The following RBFOX1 variants were observed in gnomAD, a reference collection of about 807,000 sequenced individuals.
RBFOX1 encodes RNA binding fox-1 homolog 1, also known as RNA binding protein fox-1 homolog 1.
A neutral mutation model predicts 57.7 loss-of-function variants in RBFOX1; 8 were observed. The observed-to-expected ratio is 0.14, with a 90% CI of 0.08 to 0.25. RBFOX1 has a LOEUF of 0.25. RBFOX1 is among the 10% of genes least tolerant of loss of function. The probability of loss-of-function intolerance (pLI) is 1.00; values close to 1 mark genes in which losing one functional copy is unlikely to be tolerated. For synonymous variants in RBFOX1, 326 were observed against 222.4 expected (o/e 1.47, Z -4.15); for missense variants, 611 against 548.5 (o/e 1.11, Z -1.14).
intron 4 of RBFOX1, among the ~76,000 whole-genome samples, chr16:7,239,952 G>T (rs1000556174): frequency 6.6e-6 from 1 of 152,064 alleles, no homozygotes; most frequent in African/African-American, 2.4e-5. Flanking sequence ...CTTCCTACCT[G>T]TTGAAACTAT....
At chr16:5,585,432 C>T (rs1365675184) in intron 2 of RBFOX1, among the ~76,000 whole-genome samples, 1 of 152,126 alleles carries the variant, frequency 6.6e-6, no homozygotes, top group East Asian at 1.9e-4. Flanking sequence ...GGGGTGTTTC[C>T]TGCTTTGGGC....
intron 4 of RBFOX1, among the ~76,000 whole-genome samples, chr16:7,304,784 C>G (rs1454364646): frequency 6.6e-6 from 1 of 152,112 alleles, no homozygotes; most frequent in Non-Finnish European, 1.5e-5. Flanking sequence ...CAGTGCCTTT[C>G]GTGGTGATCT....
At chr16:5,379,168 G>A (rs1476896662) in intron 1 of RBFOX1, among the ~76,000 whole-genome samples, 1 of 151,586 alleles carries the variant, frequency 6.6e-6, no homozygotes, top group African/African-American at 2.4e-5. Flanking sequence ...GGTCATGCGG[G>A]TGCTTCATCT....
At chr16:7,384,210 A>G (rs958787047) in intron 4 of RBFOX1, among the ~76,000 whole-genome samples, 18 of 151,616 alleles carry the variant, frequency 1.2e-4, no homozygotes, top group South Asian at 4.2e-4. Context: ...TATATGAAAC[A>G]TATATGAAAT....
intron 5 of RBFOX1, among the ~76,000 whole-genome samples, chr16:7,570,205 A>G (rs1207480024): frequency 6.6e-6 from 1 of 151,608 alleles, no homozygotes; most frequent in Non-Finnish European, 1.5e-5. Context: ...GAATTCTAAA[A>G]TGACGTATAT....
intron 12 of RBFOX1, 45 bp from the exon 13 acceptor site, chr16:7,664,884 A>T: frequency 6.2e-7 from 1 of 1,613,796 alleles, no homozygotes; most frequent in Non-Finnish European, 8.5e-7. Context: ...CTGCATGGGA[A>T]ATGCACTAAT....
intron 1 of RBFOX1, among the ~76,000 whole-genome samples, chr16:6,032,336 G>T (rs1437221268): frequency 1.3e-5 from 2 of 151,584 alleles, no homozygotes; most frequent in African/African-American, 2.4e-5. Flanking sequence ...AGGGAAAGCA[G>T]CTCAGAGAAT....
chr16:5,657,861 A>G (rs970072884), intron 3 of RBFOX1, among the ~76,000 whole-genome samples: 1 of 150,390 alleles, frequency 6.6e-6, no homozygotes, highest in African/African-American at 2.4e-5. Context: ...ACCCCCAGGT[A>G]GCTGGGATTA....
At chr16:7,710,361 G>A in intron 15 of RBFOX1, 1 of 1,309,242 alleles carries the variant, frequency 7.6e-7, no homozygotes, top group Non-Finnish European at 9.7e-7. Context: ...TCCTTCCATT[G>A]TCCAGCTTAT....
chr16:6,744,575 C>G (rs1431006852), intron 3 of RBFOX1, among the ~76,000 whole-genome samples: 1 of 151,776 alleles, frequency 6.6e-6, no homozygotes, highest in Non-Finnish European at 1.5e-5. Flanking sequence ...GAGAATAAGC[C>G]ACACTTTAAT....
intron 3 of RBFOX1, among the ~76,000 whole-genome samples, chr16:5,696,373 C>A (rs912191036): frequency 6.6e-6 from 1 of 152,104 alleles, no homozygotes; most frequent in African/African-American, 2.4e-5. Context: ...ATAATATCTC[C>A]CTGTATGATT....
intron 4 of RBFOX1, among the ~76,000 whole-genome samples, chr16:7,190,158 C>T (rs758132691): frequency 5.9e-5 from 9 of 152,034 alleles, no homozygotes; most frequent in Non-Finnish European, 1.3e-4. Context: ...GTCAGGAGTT[C>T]GAGACCAGCC....
At chr16:5,365,624 G>A (rs1466062129) in intron 1 of RBFOX1, among the ~76,000 whole-genome samples, 4 of 152,082 alleles carry the variant, frequency 2.6e-5, no homozygotes, top group Non-Finnish European at 5.9e-5. Context: ...AGCCGATATC[G>A]TGCACTGTAC....
chr16:7,357,970 C>T (rs866382235), intron 4 of RBFOX1, among the ~76,000 whole-genome samples: 1 of 152,068 alleles, frequency 6.6e-6, no homozygotes, highest in African/African-American at 2.4e-5. Context: ...GGGAGGGTTA[C>T]TTTCATCTGC....
chr16:6,733,755 C>A (rs1404704004), intron 3 of RBFOX1, among the ~76,000 whole-genome samples: 3 of 150,834 alleles, frequency 2.0e-5, no homozygotes, highest in Non-Finnish European at 3.0e-5. Flanking sequence ...GAGACCCTGC[C>A]TTAAAAAAAA....
Position 5,784,660 on chromosome 16 carries a change from T to A in RBFOX1, c.319-82643T>A, listed in dbSNP as rs1363275854. On this transcript the variant is annotated intron_variant, in intron 3 of 19. Transcript: ENST00000641259. ...TGTTGATTACATTTCAACATGAGAT[T>A]TGGGTGACGACACAGATCGAAATCA... Among the ~76,000 whole-genome samples the A allele has an allele frequency of 2.0e-5, 3 of 152,224 alleles. No homozygotes were observed. In the East Asian group the frequency reaches 5.8e-4, roughly 29 times the overall value.
intron 1 of RBFOX1, among the ~76,000 whole-genome samples, chr16:6,190,443 A>T (rs1345182243): frequency 6.6e-6 from 1 of 152,218 alleles, no homozygotes; most frequent in Non-Finnish European, 1.5e-5. Flanking sequence ...AGACTAGGCA[A>T]CCTGGAATGG....
At chr16:6,581,208 C>T (rs929538965) in intron 2 of RBFOX1, among the ~76,000 whole-genome samples, 1 of 152,124 alleles carries the variant, frequency 6.6e-6, no homozygotes, top group Admixed American at 6.6e-5. Context: ...AGTAGGATTT[C>T]TAAAGACCCA....
intron 3 of RBFOX1, among the ~76,000 whole-genome samples, chr16:6,782,301 A>C (rs1029611693): frequency 6.6e-6 from 1 of 152,078 alleles, no homozygotes; most frequent in African/African-American, 2.4e-5. Flanking sequence ...ACAGGCATTT[A>C]TTGTTATAAA....
Sources: allele counts gnomAD v4.1 joint callset (sites outside exome capture counted in the v4.1 genomes callset), GRCh38; gene constraint gnomAD v4.1.1; transcripts MANE v1.5; gene names NCBI Gene and HGNC (gene_info 2026-07-23, HGNC 2026-07-21).